The following SIPA1L1 variants were observed in gnomAD, a reference collection of about 807,000 sequenced individuals.
SIPA1L1 encodes signal induced proliferation associated 1 like 1.
Under a neutral mutation model 162.7 loss-of-function variants are expected in SIPA1L1, and 26 were observed. The ratio of observed to expected loss-of-function variants is 0.16; its 90% confidence interval spans 0.12 to 0.22. The LOEUF is 0.22. Among genes scored for constraint, SIPA1L1 ranks in the 10% least tolerant of loss-of-function variants. The pLI is 1.00. For missense variants in SIPA1L1, 1,874 were observed against 2,241.0 expected (o/e 0.84, Z 3.31); for synonymous variants, 829 against 837.4 (o/e 0.99, Z 0.17).
intron 21 of SIPA1L1, 41 bp from the exon 22 acceptor site, chr14:71,735,236 G>A: frequency 7.3e-7 from 1 of 1,369,230 alleles, no homozygotes; most frequent in Non-Finnish European, 1.0e-6. Flanking sequence ...GGCCAGGGAT[G>A]TGGTTCCAAA....
At chr14:71,641,504 C>T (rs890085071) in intron 7 of SIPA1L1, among the ~76,000 whole-genome samples, 3 of 152,094 alleles carry the variant, frequency 2.0e-5, no homozygotes, top group South Asian at 2.1e-4. Context: ...GGGCAGATCA[C>T]GAGGTCAGGA....
At chr14:71,543,898 A>ATGTGTATATATACATATATCATACG (rs2054750726) in intron 4 of SIPA1L1, among the ~76,000 whole-genome samples, 2 of 111,928 alleles carry the variant, frequency 1.8e-5, no homozygotes, top group African/African-American at 6.6e-5. Context: ...TATCATACGT[A>ATGTGTATATATACATATATCATACG]TATGTGTGTA....
chr14:71,403,958 C>G (rs2041862116), intron 2 of SIPA1L1, among the ~76,000 whole-genome samples: 2 of 152,116 alleles, frequency 1.3e-5, no homozygotes. Context: ...CTTACTTTCC[C>G]TTGACTGCAC....
chr14:71,471,520 G>C (rs1238641865), intron 2 of SIPA1L1, among the ~76,000 whole-genome samples: 1 of 152,188 alleles, frequency 6.6e-6, no homozygotes, highest in African/African-American at 2.4e-5. Context: ...GACTGCCTTG[G>C]GGGCTGGAGG....
chr14:71,513,016 A>G (rs1420569932), intron 3 of SIPA1L1, among the ~76,000 whole-genome samples, 171 bp downstream of exon 3: 1 of 152,088 alleles, frequency 6.6e-6, no homozygotes, highest in Non-Finnish European at 1.5e-5. Context: ...AGATCGAACC[A>G]ATGTATACCT....
At chr14:71,639,940 G>A (rs2041540975) in intron 7 of SIPA1L1, among the ~76,000 whole-genome samples, 1 of 152,066 alleles carries the variant, frequency 6.6e-6, no homozygotes. Flanking sequence ...GTCTTGCTCT[G>A]TTGCCCAGGC....
intron 2 of SIPA1L1, among the ~76,000 whole-genome samples, chr14:71,502,249 A>ATATATAT (rs1567114570): frequency 8.8e-4 from 59 of 67,064 alleles, no homozygotes; most frequent in Admixed American, 1.6e-3. Flanking sequence ...CTTGAAAAAA[A>ATATATAT]AAAAAAATAT....
rs190445589 is a variant in SIPA1L1, at chr14:71,558,497, C to T, written c.-302-29074C>T. Among the ~76,000 whole-genome samples, 12 of 152,224 alleles carry T rather than the reference C, an allele frequency of 7.9e-5. No homozygotes were observed. The East Asian group carries it at 2.3e-3, about 29-fold the overall frequency. ...CTCCTGGGAGAAGGTTACTAAAGAGCCTTAGCTAACCACTCTCTCTGTTTT... is the reference window on the plus strand; with the variant it reads ...CTCCTGGGAGAAGGTTACTAAAGAGTCTTAGCTAACCACTCTCTCTGTTTT... On this transcript the variant is annotated intron_variant, in intron 4 of 23. Coordinates refer to ENST00000381232, the MANE Select transcript of SIPA1L1 (RefSeq NM_001386936.1).
intron 2 of SIPA1L1, among the ~76,000 whole-genome samples, chr14:71,340,095 A>G (rs1246194657): frequency 7.2e-5 from 11 of 152,242 alleles, no homozygotes; most frequent in Admixed American, 7.2e-4. Flanking sequence ...TGTTAAACTT[A>G]TAATTCGTTT....
chr14:71,594,569 A>G (rs1230406553), intron 5 of SIPA1L1, among the ~76,000 whole-genome samples: 1 of 152,200 alleles, frequency 6.6e-6, no homozygotes, highest in African/African-American at 2.4e-5. Flanking sequence ...TAGATTTCAG[A>G]TAAATGGTAA....
intron 4 of SIPA1L1, among the ~76,000 whole-genome samples, chr14:71,569,462 G>A (rs1339075945): frequency 6.6e-6 from 1 of 152,190 alleles, no homozygotes. Flanking sequence ...AACCTTTGTT[G>A]CTGAGATTTG....
At chr14:71,701,383 A>ATT (rs376868927) in intron 14 of SIPA1L1, among the ~76,000 whole-genome samples, 25 of 141,138 alleles carry the variant, frequency 1.8e-4, no homozygotes, top group South Asian at 2.3e-4. Context: ...CACCAGGCTA[A>ATT]TTTTTTTTTT....
chr14:71,736,369 C>T (rs2085293237), intron 22 of SIPA1L1, among the ~76,000 whole-genome samples: 1 of 152,164 alleles, frequency 6.6e-6, no homozygotes. Flanking sequence ...TGTACTCCAG[C>T]CTGGGTGACA....
At chr14:71,498,727 T>A (rs1177352991) in intron 2 of SIPA1L1, among the ~76,000 whole-genome samples, 1 of 152,228 alleles carries the variant, frequency 6.6e-6, no homozygotes, top group African/African-American at 2.4e-5. Context: ...TTTATGTAAT[T>A]TGCCTACCAA....
At chr14:71,464,572 C>T (rs930382469) in intron 2 of SIPA1L1, among the ~76,000 whole-genome samples, 4 of 152,016 alleles carry the variant, frequency 2.6e-5, no homozygotes, top group African/African-American at 9.7e-5. Flanking sequence ...ACCCAGGAGG[C>T]GGAGGTTGCA....
chr14:71,636,493 T>A (rs2041164545), intron 7 of SIPA1L1, among the ~76,000 whole-genome samples: 1 of 152,020 alleles, frequency 6.6e-6, no homozygotes, highest in Admixed American at 6.6e-5. Flanking sequence ...GTATGTAAAC[T>A]GAATGGAAAG....
At chr14:71,480,784 A>G (rs1221758923) in intron 2 of SIPA1L1, among the ~76,000 whole-genome samples, 2 of 152,152 alleles carry the variant, frequency 1.3e-5, no homozygotes, top group Non-Finnish European at 2.9e-5. Context: ...CAAACAAACA[A>G]AAAAACAAAG....
At chr14:71,451,632 C>CAAA (rs762968378) in intron 2 of SIPA1L1, among the ~76,000 whole-genome samples, 17 of 54,352 alleles carry the variant, frequency 3.1e-4, no homozygotes, top group East Asian at 5.8e-4. Context: ...GACCTTGTCT[C>CAAA]AAAAAAAAAA....
intron 2 of SIPA1L1, among the ~76,000 whole-genome samples, chr14:71,494,429 G>A (rs2049550031): frequency 6.6e-6 from 1 of 151,612 alleles, no homozygotes; most frequent in African/African-American, 2.4e-5. Flanking sequence ...TTGACTTTTG[G>A]AGGTTATAAT....
Sources: allele counts gnomAD v4.1 joint callset (sites outside exome capture counted in the v4.1 genomes callset), GRCh38; gene constraint gnomAD v4.1.1; transcripts MANE v1.5; gene names NCBI Gene and HGNC (gene_info 2026-07-23, HGNC 2026-07-21).